RANBP9: variants seen among roughly 807,000 people sequenced by gnomAD.
RANBP9 encodes the protein RAN binding protein 9, also known as ran-binding protein 9.
A neutral mutation model predicts 84.3 loss-of-function variants in RANBP9; 15 were observed. That is an observed-to-expected ratio of 0.18 (90% confidence interval 0.12 to 0.27). The LOEUF (loss-of-function observed/expected upper bound fraction) is 0.27, where lower values mean the gene tolerates loss of function less well. RANBP9 is among the 10% of genes least tolerant of loss of function. The pLI is 1.00. For synonymous variants in RANBP9, 392 were observed against 349.6 expected, an observed-to-expected ratio of 1.12 and a Z score of -1.35; for missense variants, 809 against 912.8, an observed-to-expected ratio of 0.89 and a Z score of 1.46.
intron 1 of RANBP9, among the ~76,000 whole-genome samples, chr6:13,703,586 A>G (rs753099819): frequency 2.7e-4 from 41 of 152,200 alleles, no homozygotes; most frequent in Non-Finnish European, 1.9e-4. Context: ...CCAATTCACA[A>G]CATAGTCTGT....
In RANBP9 at chr6:13,622,334, T is replaced by TG. The variant is rs770649172; in HGVS notation, c.*27_*28insC. The TG allele has an allele frequency of 1.2e-5, 18 of 1,513,534 alleles. No homozygotes were observed. The highest frequency in any genetic ancestry group is 1.6e-5 in the Non-Finnish European group (18 of 1,130,250). The allele number at this position is 1,513,534 out of a possible 1,614,324, so 93.8% of individuals were successfully genotyped here. On this transcript the variant is annotated 3_prime_UTR_variant, in exon 14 of 14. Transcript: ENST00000011619. Reference sequence around the variant, plus strand: ...CTTCCATGTTGACTATATGCCACAATATAAGTGTGAGCTCTTGAAATGCAT... The same window carrying TG: ...CTTCCATGTTGACTATATGCCACAATGATAAGTGTGAGCTCTTGAAATGCAT...
At chr6:13,703,376 C>T (rs764655610) in intron 1 of RANBP9, among the ~76,000 whole-genome samples, 10 of 152,174 alleles carry the variant, frequency 6.6e-5, no homozygotes, top group Non-Finnish European at 1.3e-4. Context: ...AAATCAGTCA[C>T]GACCTAGACC....
chr6:13,625,163 C>G (rs776884789), intron 13 of RANBP9, among the ~76,000 whole-genome samples: 17 of 152,200 alleles, frequency 1.1e-4, no homozygotes, highest in Non-Finnish European at 2.4e-4. Flanking sequence ...TCTAGCCTAA[C>G]TCTTGTGACA....
intron 2 of RANBP9, among the ~76,000 whole-genome samples, chr6:13,680,828 T>C (rs1766017781): frequency 1.3e-5 from 2 of 150,606 alleles, no homozygotes; most frequent in South Asian, 4.2e-4. Context: ...TCAAATATAA[T>C]GAGTATAATG....
At chr6:13,681,732 A>T (rs193135846) in intron 2 of RANBP9, among the ~76,000 whole-genome samples, 1 of 152,358 alleles carries the variant, frequency 6.6e-6, no homozygotes, top group East Asian at 1.9e-4. Context: ...ATACCTCTTC[A>T]AAGTTTTCGA....
rs1765198894 is a variant in RANBP9, at chr6:13,647,542, G to A, written c.928-2813C>T. ...AGCAAGGTATAACATATTGTATATG[G>A]TATGACCCTATCTTTCACATAAACA... is the stretch of plus-strand genomic sequence containing the variant. On this transcript the variant is annotated intron_variant, in intron 5 of 13. Coordinates refer to ENST00000011619, the MANE Select transcript of RANBP9 (RefSeq NM_005493.3). Among the ~76,000 whole-genome samples, 3 of 152,140 alleles carry A rather than the reference G, an allele frequency of 2.0e-5. 1 individual carries two copies. In the South Asian group the frequency reaches 6.2e-4, roughly 32 times the overall value.
chr6:13,659,851 A>T (rs1213146630), intron 2 of RANBP9, among the ~76,000 whole-genome samples: 1 of 152,208 alleles, frequency 6.6e-6, no homozygotes, highest in East Asian at 1.9e-4. Context: ...GAACAAAGAG[A>T]TGCCTATAAT....
At chr6:13,710,653 TC>T (rs1201683165) in intron 1 of RANBP9, among the ~76,000 whole-genome samples, 1 of 152,336 alleles carries the variant, frequency 6.6e-6, no homozygotes, top group African/African-American at 2.4e-5. Context: ...TGTCCTGTCA[TC>T]CCGGATTCCC....
chr6:13,647,027 C>A (rs549320019), intron 5 of RANBP9, among the ~76,000 whole-genome samples: 1 of 152,224 alleles, frequency 6.6e-6, no homozygotes, highest in African/African-American at 2.4e-5. Context: ...GCTGAGAATA[C>A]CCAATGCTGA....
At chr6:13,641,839 A>C (rs1015992546) in intron 7 of RANBP9, among the ~76,000 whole-genome samples, 2 of 152,334 alleles carry the variant, frequency 1.3e-5, no homozygotes, top group South Asian at 4.1e-4. Flanking sequence ...AACCCAATGT[A>C]ATCAGTGCTA....
At chr6:13,638,091 T>A (rs966341698) in intron 9 of RANBP9, 136 bp from the exon 10 acceptor site, 11 of 695,310 alleles carry the variant, frequency 1.6e-5, no homozygotes, top group African/African-American at 1.3e-4. Context: ...AACAGGTAAC[T>A]TCTTTGAAAG....
At chr6:13,633,812 C>T (rs1253155223) in intron 11 of RANBP9, among the ~76,000 whole-genome samples, 1 of 152,102 alleles carries the variant, frequency 6.6e-6, no homozygotes, top group Non-Finnish European at 1.5e-5. Flanking sequence ...TGTAATCCAA[C>T]AAATAAATTT....
chr6:13,695,400 TG>T lies in RANBP9; in HGVS notation c.683+1384del, dbSNP rs368616042. On this transcript the variant is annotated intron_variant, in intron 2 of 13. Coordinates refer to ENST00000011619, the MANE Select transcript of RANBP9 (RefSeq NM_005493.3). ...AGCAATAGTGAAACCACCAACCAAA[TG>T]TTTTTTTTTTTTTTTTTTTTTTTTC... is the stretch of plus-strand genomic sequence containing the variant. Among the ~76,000 whole-genome samples, 470 of 117,240 alleles carry T rather than the reference TG, an allele frequency of 4.0e-3. 24 individuals carry two copies. In the East Asian group the frequency reaches 0.074, roughly 19 times the overall value. 76.9% of individuals were successfully genotyped at this position (117,240 alleles called of 152,430 possible). A position where few individuals can be genotyped will look rare whatever the true frequency, so the allele number is the denominator to read the frequency against.
intron 2 of RANBP9, among the ~76,000 whole-genome samples, chr6:13,691,569 T>G (rs1766321873): frequency 6.6e-6 from 1 of 152,202 alleles, no homozygotes; most frequent in South Asian, 2.1e-4. Flanking sequence ...TGCCATTTCA[T>G]GAGAAAATTT....
Position 13,622,095 on chromosome 6 carries a change from A to C in RANBP9, c.*267T>G. 1 of 223,020 alleles carries C rather than the reference A, an allele frequency of 4.5e-6. No homozygotes were observed. The highest frequency in any genetic ancestry group is 8.5e-6 in the Non-Finnish European group (1 of 117,648). 13.8% of individuals were successfully genotyped at this position (223,020 alleles called of 1,614,324 possible). On this transcript the variant is annotated 3_prime_UTR_variant, in exon 14 of 14. Transcript: ENST00000011619. The stretch of plus-strand genomic sequence containing the variant: ...GGTTTCTTTTAGGTAATTGTTTTAA[A>C]GGATTTGTGATGATCAATTTGAACG...
Position 13,634,456 on chromosome 6 carries a change from T to C in RANBP9, c.1770A>G (p.Glu590=). The change falls in exon 11 of 14, where the codon GAA becomes GAG. Residue 590 remains glutamate, a synonymous_variant. Coordinates refer to ENST00000011619, the MANE Select transcript of RANBP9 (RefSeq NM_005493.3). ...FLNGSSKHDH[E]MEDCDTEMEV... ...CCATTTCGGTGTCACAATCTTCCAT[T>C]TCGTGGTCATGTTTAGAGCTACCAT... The C allele has an allele frequency of 6.2e-7, 1 of 1,613,688 alleles. No homozygotes were observed. The highest frequency in any genetic ancestry group is 1.3e-5 in the African/African-American group (1 of 75,048).
intron 4 of RANBP9, among the ~76,000 whole-genome samples, chr6:13,654,846 C>A (rs1303322297): frequency 6.6e-6 from 1 of 152,172 alleles, no homozygotes; most frequent in African/African-American, 2.4e-5. Flanking sequence ...ACCAGTGGAT[C>A]CCAGGAACCT....
chr6:13,703,071 G>A (rs1758014868), intron 1 of RANBP9, among the ~76,000 whole-genome samples: 1 of 152,170 alleles, frequency 6.6e-6, no homozygotes, highest in South Asian at 2.1e-4. Flanking sequence ...AAAATGCAGT[G>A]GCATGATCAC....
rs774639557 is a variant in RANBP9, at chr6:13,642,544, T to G, written c.1160A>C (p.Glu387Ala). 3 of 1,612,202 alleles carry G rather than the reference T, an allele frequency of 1.9e-6. No homozygotes were observed. The South Asian group carries it at 3.3e-5, about 18-fold the overall frequency. Reference protein sequence around the residue: ...LVHHGYCATAEAFARSTDQTV... With the variant: ...LVHHGYCATAAAFARSTDQTV... ...CTGGTCTGTAGATCTGGCAAAGGCC[T>G]CTGCTGTGGCACAGTACCCATGGTG... Residue 387 changes from glutamate (E) to alanine (A), a missense_variant, in exon 7 of 14, where the codon GAG becomes GCG. This residue lies in a region of RANBP9 where 216 missense variants were observed against 329.0 expected (regional missense o/e 0.66). Transcript: ENST00000011619.
Sources: allele counts gnomAD v4.1 joint callset (sites outside exome capture counted in the v4.1 genomes callset), GRCh38; gene constraint gnomAD v4.1.1; regional missense constraint gnomAD v4.1.1; transcripts MANE v1.5; gene names NCBI Gene and HGNC (gene_info 2026-07-23, HGNC 2026-07-21).